REEP1: variants seen among roughly 807,000 people sequenced by gnomAD.
REEP1 encodes receptor accessory protein 1, also known as receptor expression-enhancing protein 1.
Under a neutral mutation model 40.3 loss-of-function variants are expected in REEP1, and 22 were observed. The observed-to-expected ratio is 0.55, with a 90% CI of 0.39 to 0.78. The LOEUF (loss-of-function observed/expected upper bound fraction) is 0.78, where lower values mean the gene tolerates loss of function less well. REEP1 is among the 30% of genes least tolerant of loss of function. The pLI is 0.00. For synonymous variants in REEP1, 116 were observed against 139.2 expected, an observed-to-expected ratio of 0.83 and a Z score of 1.17; for missense variants, 280 against 361.1, an observed-to-expected ratio of 0.78 and a Z score of 1.82.
intron 5 of REEP1, among the ~76,000 whole-genome samples, chr2:86,236,787 A>G (rs1448099005): frequency 1.3e-5 from 2 of 150,360 alleles, no homozygotes; most frequent in Admixed American, 6.6e-5. Flanking sequence ...CCCAGGCTGG[A>G]GTGCAGTGGT....
intron 1 of REEP1, among the ~76,000 whole-genome samples, chr2:86,332,901 C>T (rs2104548215): frequency 6.6e-6 from 1 of 152,330 alleles, no homozygotes; most frequent in East Asian, 1.9e-4. Flanking sequence ...GCTCTTAGGA[C>T]CTGCAAGGTG....
At chr2:86,286,883 A>T (rs1276995346) in intron 1 of REEP1, among the ~76,000 whole-genome samples, 2 of 152,222 alleles carry the variant, frequency 1.3e-5, no homozygotes, top group Admixed American at 6.5e-5. Flanking sequence ...AAAATTTAAA[A>T]ATCAATGCTG....
At chr2:86,218,590 G>A (rs1674250906) in intron 8 of REEP1, among the ~76,000 whole-genome samples, 1 of 152,234 alleles carries the variant, frequency 6.6e-6, no homozygotes, top group African/African-American at 2.4e-5. Context: ...AAAGCAGTTT[G>A]TGCAGCTTTA....
chr2:86,282,539 G>A (rs1047916832), intron 1 of REEP1, among the ~76,000 whole-genome samples: 2 of 151,890 alleles, frequency 1.3e-5, no homozygotes, highest in Non-Finnish European at 2.9e-5. Flanking sequence ...CAAGACCCCT[G>A]AAATTAAAGG....
intron 1 of REEP1, chr2:86,336,828 T>TG (rs1455782087): frequency 6.6e-6 from 1 of 152,396 alleles, no homozygotes; most frequent in Non-Finnish European, 1.5e-5. Flanking sequence ...TACCTGCCCC[T>TG]GTCTCTCAAT....
chr2:86,220,682 A>G (rs1311298984), intron 7 of REEP1, among the ~76,000 whole-genome samples: 1 of 148,466 alleles, frequency 6.7e-6, no homozygotes, highest in East Asian at 2.0e-4. Flanking sequence ...ATAACCTTAA[A>G]CAAAGCTATA....
intron 1 of REEP1, among the ~76,000 whole-genome samples, chr2:86,306,006 T>C (rs575507318): frequency 1.3e-5 from 2 of 152,242 alleles, no homozygotes; most frequent in African/African-American, 2.4e-5. Flanking sequence ...TGTGGACATA[T>C]GTTTTCATTT....
chr2:86,265,033 G>A (rs1456187826), intron 2 of REEP1, among the ~76,000 whole-genome samples: 1 of 152,122 alleles, frequency 6.6e-6, no homozygotes, highest in East Asian at 1.9e-4. Context: ...TCAGAATTAG[G>A]GAAGCCATAA....
At chr2:86,234,307 C>G (rs1202219748) in intron 5 of REEP1, among the ~76,000 whole-genome samples, 2 of 152,006 alleles carry the variant, frequency 1.3e-5, no homozygotes, top group African/African-American at 4.8e-5. Context: ...TGCTTGAGTC[C>G]AGGAGTTCGA....
At chr2:86,222,789 G>A (rs1674495740) in intron 7 of REEP1, among the ~76,000 whole-genome samples, 1 of 152,106 alleles carries the variant, frequency 6.6e-6, no homozygotes, top group African/African-American at 2.4e-5. Context: ...TTTATATCAG[G>A]AAGGAGTATA....
chr2:86,315,685 TG>T (rs1679963997), intron 1 of REEP1, among the ~76,000 whole-genome samples: 1 of 152,188 alleles, frequency 6.6e-6, no homozygotes, highest in Non-Finnish European at 1.5e-5. Flanking sequence ...TGGATGTTGG[TG>T]GTTTTGGATA....
intron 5 of REEP1, among the ~76,000 whole-genome samples, chr2:86,244,655 A>C (rs1302757333): frequency 2.0e-5 from 3 of 152,120 alleles, no homozygotes; most frequent in African/African-American, 4.8e-5. Flanking sequence ...TTATATACAG[A>C]GGCCCCAAGG....
chr2:86,244,856 C>T (rs1423679833), intron 5 of REEP1, among the ~76,000 whole-genome samples: 1 of 152,150 alleles, frequency 6.6e-6, no homozygotes, highest in East Asian at 1.9e-4. Context: ...TGAAATGGGG[C>T]TAGTACAGCC....
At chr2:86,336,976 C>G (rs1184730162) in intron 1 of REEP1, 1 of 152,516 alleles carries the variant, frequency 6.6e-6, no homozygotes, top group African/African-American at 2.4e-5. Context: ...CCACTGGGAG[C>G]CCCGCCTCTG....
Position 86,251,474 on chromosome 2 carries a change from G to A in REEP1, c.417+483C>T, listed in dbSNP as rs148441389. The A allele has an allele frequency of 1.9e-3, 367 of 197,166 alleles. 3 individuals are homozygous for A. The highest frequency in any genetic ancestry group is 8.1e-3 in the African/African-American group (350 of 43,042). 12.2% of individuals were successfully genotyped at this position (197,166 alleles called of 1,614,324 possible). On this transcript the variant is annotated intron_variant, in intron 5 of 8. Coordinates refer to ENST00000538924, the MANE Select transcript of REEP1 (RefSeq NM_001371279.1). ...GACCTGGGTTCCTTCCCCTGGATCT[G>A]CTGGGCCACATGATCGTGAGTGAGT... is the stretch of plus-strand genomic sequence containing the variant.
In REEP1 at chr2:86,251,831, AG is replaced by A; in HGVS notation, c.417+125del. 3.9e-6 allele frequency: 3 copies of A among 771,708 alleles called. No individual in the cohort carries two copies. The East Asian group carries it at 7.4e-5, about 19-fold the overall frequency. The allele number at this position is 771,708 out of a possible 1,614,324, so 47.8% of individuals were successfully genotyped here. A position where few individuals can be genotyped will look rare whatever the true frequency, so the allele number is the denominator to read the frequency against. On this transcript the variant is annotated intron_variant, in intron 5 of 8. Coordinates refer to ENST00000538924, the MANE Select transcript of REEP1 (RefSeq NM_001371279.1). The stretch of plus-strand genomic sequence containing the variant: ...CATTTTTTTCCATCAGATTTTCAAA[AG>A]GACCCCTAAAAGATGAAAAACCACT...
chr2:86,316,225 T>C (rs948434227), intron 1 of REEP1, among the ~76,000 whole-genome samples: 2 of 152,092 alleles, frequency 1.3e-5, no homozygotes, highest in African/African-American at 4.8e-5. Flanking sequence ...TTTTAACTGA[T>C]ATACCTGCAA....
chr2:86,249,983 G>T (rs142625396), intron 5 of REEP1, among the ~76,000 whole-genome samples: 146 of 152,354 alleles, frequency 9.6e-4, no homozygotes, highest in African/African-American at 3.4e-3. Flanking sequence ...CAGCTGGAAA[G>T]AACTAATGAG....
chr2:86,305,566 T>C (rs1318358284), intron 1 of REEP1, among the ~76,000 whole-genome samples: 1 of 152,138 alleles, frequency 6.6e-6, no homozygotes, highest in African/African-American at 2.4e-5. Flanking sequence ...AAAACACAGA[T>C]TGCCAGGCCC....
Sources: gnomAD v4.1 joint callset for allele counts (sites outside exome capture counted in the v4.1 genomes callset) on GRCh38, gnomAD v4.1.1 for gene constraint, MANE v1.5 for transcripts, NCBI Gene and HGNC (gene_info 2026-07-23, HGNC 2026-07-21) for gene names.